The following PTPRD variants were observed in gnomAD, a reference collection of about 807,000 sequenced individuals.
PTPRD encodes protein tyrosine phosphatase receptor type D, also known as receptor-type tyrosine-protein phosphatase delta.
PTPRD carries 34 observed loss-of-function variants against 214.5 expected under a neutral mutation model. That is an observed-to-expected ratio of 0.16 (90% CI 0.12 to 0.21). The LOEUF (loss-of-function observed/expected upper bound fraction) is 0.21, where lower values mean the gene tolerates loss of function less well. PTPRD is among the 10% of genes least tolerant of loss of function. The pLI is 1.00. For missense variants in PTPRD, 2,545 were observed against 2,398.7 expected, an observed-to-expected ratio of 1.06 and a Z score of -1.27; for synonymous variants, 1,128 against 845.7, an observed-to-expected ratio of 1.33 and a Z score of -5.79.
At chr9:9,177,486 AT>A (rs2099925613) in intron 10 of PTPRD, among the ~76,000 whole-genome samples, 1 of 152,184 alleles carries the variant, frequency 6.6e-6, no homozygotes, top group Non-Finnish European at 1.5e-5. Context: ...CTTTATACTC[AT>A]TAATATATTG....
chr9:8,953,473 T>C (rs2099114556), intron 11 of PTPRD, among the ~76,000 whole-genome samples: 1 of 151,816 alleles, frequency 6.6e-6, no homozygotes, highest in Admixed American at 6.6e-5. Flanking sequence ...TCAAAAGCAA[T>C]GGCAACAAAA....
rs1049305076 is a variant in PTPRD at position 10,597,736 on chromosome 9, C to T, written c.-600+14662G>A. 4.0e-5 allele frequency among the ~76,000 whole-genome samples: 6 copies of T among 151,772 alleles called. 1 individual carries two copies. In the South Asian group the frequency reaches 1.0e-3, roughly 26 times the overall value. ...GCTGTAATTAGAAAAATTAAAGCTACACTTCAGAATTAATTGAAATTATTA... is the reference window on the plus strand; with the variant it reads ...GCTGTAATTAGAAAAATTAAAGCTATACTTCAGAATTAATTGAAATTATTA... On this transcript the variant is annotated intron_variant, in intron 2 of 45. Coordinates refer to ENST00000381196, the MANE Select transcript of PTPRD (RefSeq NM_002839.4).
At chr9:9,559,468 T>A (rs980211862) in intron 8 of PTPRD, among the ~76,000 whole-genome samples, 3 of 152,236 alleles carry the variant, frequency 2.0e-5, no homozygotes, top group African/African-American at 7.2e-5. Flanking sequence ...CACATGCACA[T>A]TCAGTTTTAA....
At chr9:9,939,048 T>C (rs1367832975) in intron 4 of PTPRD, among the ~76,000 whole-genome samples, 1 of 151,626 alleles carries the variant, frequency 6.6e-6, no homozygotes, top group Admixed American at 6.6e-5. Flanking sequence ...GGAATCTCAG[T>C]AGGAAACAGA....
chr9:9,048,100 A>G (rs1238088127), intron 10 of PTPRD, among the ~76,000 whole-genome samples: 1 of 152,146 alleles, frequency 6.6e-6, no homozygotes, highest in Non-Finnish European at 1.5e-5. Context: ...CTACAATGTG[A>G]TATCTTCTCA....
At chr9:8,335,246 C>CAATA (rs566768064) in intron 43 of PTPRD, among the ~76,000 whole-genome samples, 1 of 141,910 alleles carries the variant, frequency 7.0e-6, no homozygotes, top group African/African-American at 2.7e-5. Flanking sequence ...CCAAAATCCT[C>CAATA]AGTACTGGCA....
intron 11 of PTPRD, among the ~76,000 whole-genome samples, chr9:8,789,892 A>G (rs1279511709): frequency 6.6e-6 from 1 of 152,232 alleles, no homozygotes; most frequent in African/African-American, 2.4e-5. Context: ...TGGAGGGTAG[A>G]AAGCAGTTCT....
chr9:8,724,696 G>A (rs2098538848), intron 12 of PTPRD, among the ~76,000 whole-genome samples: 1 of 152,118 alleles, frequency 6.6e-6, no homozygotes. Flanking sequence ...CACGTCGGGA[G>A]GCCAAGGTGG....
chr9:10,363,548 T>C (rs544214392), intron 2 of PTPRD, among the ~76,000 whole-genome samples: 2 of 152,360 alleles, frequency 1.3e-5, no homozygotes, highest in South Asian at 2.1e-4. Flanking sequence ...TGTCTGGATA[T>C]TTCCAACTGT....
At chr9:9,093,321 G>A (rs1439908696) in intron 10 of PTPRD, among the ~76,000 whole-genome samples, 1 of 151,958 alleles carries the variant, frequency 6.6e-6, no homozygotes, top group Non-Finnish European at 1.5e-5. Context: ...AATAACACTA[G>A]TAGTCAACTT....
intron 3 of PTPRD, among the ~76,000 whole-genome samples, chr9:10,115,690 T>C (rs1357480248): frequency 2.0e-5 from 3 of 152,090 alleles, no homozygotes; most frequent in African/African-American, 4.8e-5. Context: ...TCACTGTAAA[T>C]CTGTGTAGCT....
chr9:9,715,957 C>T (rs2097817991), intron 7 of PTPRD, among the ~76,000 whole-genome samples: 1 of 152,136 alleles, frequency 6.6e-6, no homozygotes, highest in African/African-American at 2.4e-5. Flanking sequence ...CACCCATTAA[C>T]TCATCATCTA....
chr9:9,354,329 T>TAA (rs940449645), intron 9 of PTPRD, among the ~76,000 whole-genome samples: 1 of 151,828 alleles, frequency 6.6e-6, no homozygotes, highest in African/African-American at 2.4e-5. Flanking sequence ...CACAACAAAA[T>TAA]AAAATTTTCT....
At chr9:9,343,776 A>G (rs2047746643) in intron 9 of PTPRD, among the ~76,000 whole-genome samples, 1 of 152,090 alleles carries the variant, frequency 6.6e-6, no homozygotes, top group South Asian at 2.1e-4. Context: ...GAAGTGAAAC[A>G]AATATATTCT....
At chr9:9,305,747 A>G (rs1469118100) in intron 9 of PTPRD, among the ~76,000 whole-genome samples, 1 of 152,188 alleles carries the variant, frequency 6.6e-6, no homozygotes, top group East Asian at 1.9e-4. Flanking sequence ...AGATAGATGT[A>G]GAGACACAAA....
At chr9:8,475,525 C>T (rs1323594773) in intron 30 of PTPRD, among the ~76,000 whole-genome samples, 11 of 152,100 alleles carry the variant, frequency 7.2e-5, no homozygotes, top group Non-Finnish European at 4.4e-5. Flanking sequence ...AAATGATTTC[C>T]AGACTCATAT....
intron 3 of PTPRD, among the ~76,000 whole-genome samples, chr9:10,213,614 A>G (rs777031206): frequency 6.6e-6 from 1 of 152,162 alleles, no homozygotes; most frequent in African/African-American, 2.4e-5. Context: ...ACCAGTTTGC[A>G]TATTTCTAAC....
chr9:8,840,494 T>C (rs1475273790), intron 11 of PTPRD, among the ~76,000 whole-genome samples: 1 of 152,230 alleles, frequency 6.6e-6, no homozygotes, highest in Non-Finnish European at 1.5e-5. Context: ...TTACCCAGTT[T>C]GGGGTATGTC....
intron 2 of PTPRD, among the ~76,000 whole-genome samples, chr9:10,361,980 C>T (rs1480353052): frequency 6.6e-6 from 1 of 152,162 alleles, no homozygotes; most frequent in Non-Finnish European, 1.5e-5. Flanking sequence ...GGAAATGTAT[C>T]ATGGTTAAGA....
Sources: gnomAD v4.1 joint callset for allele counts (sites outside exome capture counted in the v4.1 genomes callset) on GRCh38, gnomAD v4.1.1 for gene constraint, MANE v1.5 for transcripts, NCBI Gene and HGNC (gene_info 2026-07-23, HGNC 2026-07-21) for gene names.